The following NKAIN2 variants were observed in gnomAD, a reference collection of about 807,000 sequenced individuals.
The protein encoded by NKAIN2 is sodium/potassium transporting ATPase interacting 2.
NKAIN2 carries 14 observed loss-of-function variants against 32.6 expected under a neutral mutation model. The observed-to-expected ratio is 0.43, with a 90% confidence interval of 0.28 to 0.67. NKAIN2 has a LOEUF of 0.67. Among genes scored for constraint, NKAIN2 ranks in the 30% least tolerant of loss-of-function variants. The probability of loss-of-function intolerance (pLI) is 0.17; values close to 1 mark genes in which losing one functional copy is unlikely to be tolerated. For synonymous variants in NKAIN2, 80 were observed against 87.2 expected (o/e 0.92, Z 0.46); for missense variants, 198 against 258.3 (o/e 0.77, Z 1.60).
intron 1 of NKAIN2, among the ~76,000 whole-genome samples, chr6:123,811,673 A>G (rs62436620): frequency 0.21 from 31,368 of 152,034 alleles, 3,961 homozygotes; most frequent in East Asian, 0.6. Flanking sequence ...ATATGCTAAA[A>G]GTTAACATCT....
intron 2 of NKAIN2, among the ~76,000 whole-genome samples, chr6:124,323,785 T>TTG: frequency 8.0e-6 from 1 of 125,412 alleles, no homozygotes; most frequent in African/African-American, 4.1e-5. Context: ...TAATTTTTTC[T>TTG]TTTTTTTTTT....
chr6:123,977,343 T>C (rs538747216), intron 1 of NKAIN2, among the ~76,000 whole-genome samples: 3 of 152,278 alleles, frequency 2.0e-5, no homozygotes, highest in Admixed American at 2.0e-4. Context: ...CACAGGAATT[T>C]GAGGCTTCAG....
chr6:124,213,130 C>T (rs1562425963), intron 1 of NKAIN2, among the ~76,000 whole-genome samples: 1 of 152,020 alleles, frequency 6.6e-6, no homozygotes, highest in Non-Finnish European at 1.5e-5. Context: ...TTTAGTGATC[C>T]CCCCAGCTGA....
intron 4 of NKAIN2, among the ~76,000 whole-genome samples, chr6:124,698,703 T>C (rs1023533728): frequency 6.6e-6 from 1 of 152,228 alleles, no homozygotes; most frequent in African/African-American, 2.4e-5. Context: ...TTATGTATTG[T>C]GTTTTTCAAA....
At position 124,451,916 on chromosome 6, in the gene NKAIN2, C is replaced by T. The variant is rs565564167; in HGVS notation, c.273+96569C>T. Among the ~76,000 whole-genome samples the T allele has an allele frequency of 3.4e-4, 52 of 151,510 alleles. 1 individual carries two copies. The South Asian group carries it at 0.011, about 31-fold the overall frequency. ...TAAAATCTCTTCAAACCTGGAGGCT[C>T]GACATGGTGGCTCAAAGCCTGTAAT... On this transcript the variant is annotated intron_variant, in intron 3 of 6. Coordinates refer to ENST00000368417, the MANE Select transcript of NKAIN2 (RefSeq NM_001040214.3).
At chr6:124,293,096 T>C (rs1795892395) in intron 2 of NKAIN2, among the ~76,000 whole-genome samples, 1 of 152,140 alleles carries the variant, frequency 6.6e-6, no homozygotes, top group Non-Finnish European at 1.5e-5. Flanking sequence ...GTCTGCTTAC[T>C]GTGTTATAGC....
intron 4 of NKAIN2, among the ~76,000 whole-genome samples, chr6:124,725,997 G>A (rs977089332): frequency 5.3e-5 from 8 of 152,196 alleles, no homozygotes; most frequent in Non-Finnish European, 1.0e-4. Context: ...GCGCTTTTCC[G>A]ACGGGCTTAA....
At chr6:124,119,115 C>G (rs1401228487) in intron 1 of NKAIN2, among the ~76,000 whole-genome samples, 1 of 152,126 alleles carries the variant, frequency 6.6e-6, no homozygotes, top group Non-Finnish European at 1.5e-5. Flanking sequence ...GAAAGACATT[C>G]TATTACCATG....
At chr6:124,077,163 C>T (rs1290356541) in intron 1 of NKAIN2, among the ~76,000 whole-genome samples, 2 of 152,184 alleles carry the variant, frequency 1.3e-5, no homozygotes, top group African/African-American at 4.8e-5. Context: ...CTGTTTTGTG[C>T]TGTAGCACAA....
chr6:124,583,586 A>G (rs1781602312), intron 3 of NKAIN2, among the ~76,000 whole-genome samples: 1 of 152,226 alleles, frequency 6.6e-6, no homozygotes, highest in Non-Finnish European at 1.5e-5. Flanking sequence ...TCAAAATACC[A>G]GTGACATTCT....
intron 4 of NKAIN2, among the ~76,000 whole-genome samples, chr6:124,707,599 G>A (rs199909710): frequency 0.35 from 39,833 of 114,864 alleles, 7,746 homozygotes; most frequent in African/African-American, 0.42. Context: ...CAGTGATGGT[G>A]AGCATTTTTT....
intron 1 of NKAIN2, among the ~76,000 whole-genome samples, chr6:123,870,720 G>A (rs556733248): frequency 1.2e-4 from 19 of 152,066 alleles, no homozygotes; most frequent in East Asian, 1.9e-4. Flanking sequence ...ATTAGTGCCC[G>A]GTACGATTCC....
intron 3 of NKAIN2, among the ~76,000 whole-genome samples, chr6:124,569,781 G>A (rs1333619987): frequency 6.6e-6 from 1 of 152,136 alleles, no homozygotes; most frequent in Non-Finnish European, 1.5e-5. Flanking sequence ...GACTAATACA[G>A]TAAATTGGTA....
At chr6:124,410,366 G>T (rs990004911) in intron 3 of NKAIN2, among the ~76,000 whole-genome samples, 4 of 152,190 alleles carry the variant, frequency 2.6e-5, no homozygotes, top group Non-Finnish European at 5.9e-5. Flanking sequence ...TGCTTTGAAT[G>T]TGTCCCAGGG....
At chr6:124,384,133 T>C (rs577299453) in intron 3 of NKAIN2, among the ~76,000 whole-genome samples, 1 of 152,298 alleles carries the variant, frequency 6.6e-6, no homozygotes, top group East Asian at 1.9e-4. Context: ...CTTATCACTC[T>C]CTGAAATTAT....
intron 1 of NKAIN2, among the ~76,000 whole-genome samples, chr6:124,017,161 G>A (rs1031349281): frequency 6.6e-6 from 1 of 152,200 alleles, no homozygotes; most frequent in African/African-American, 2.4e-5. Flanking sequence ...AAGAGGGCTT[G>A]TGCAGGGGAA....
intron 1 of NKAIN2, among the ~76,000 whole-genome samples, chr6:123,928,644 A>G (rs1776116932): frequency 6.6e-6 from 1 of 152,162 alleles, no homozygotes; most frequent in Admixed American, 6.5e-5. Context: ...AGATCTAAGA[A>G]TATTCTCTTA....
intron 4 of NKAIN2, among the ~76,000 whole-genome samples, chr6:124,758,148 A>G (rs1046865671): frequency 6.6e-6 from 1 of 152,090 alleles, no homozygotes; most frequent in Non-Finnish European, 1.5e-5. Context: ...CTCCAGTTCT[A>G]ACAACCTGAA....
At chr6:124,500,337 C>T (rs1287195002) in intron 3 of NKAIN2, among the ~76,000 whole-genome samples, 2 of 150,780 alleles carry the variant, frequency 1.3e-5, no homozygotes, top group African/African-American at 4.9e-5. Flanking sequence ...GATGACAACC[C>T]TTTTTTTTTA....
Sources: allele counts gnomAD v4.1 joint callset (sites outside exome capture counted in the v4.1 genomes callset), GRCh38; gene constraint gnomAD v4.1.1; transcripts MANE v1.5; gene names NCBI Gene and HGNC (gene_info 2026-07-23, HGNC 2026-07-21).